The following KCNQ1 variants were observed in gnomAD, a reference collection of about 807,000 sequenced individuals.
KCNQ1 encodes the protein potassium voltage-gated channel subfamily Q member 1, also known as potassium voltage-gated channel subfamily KQT member 1.
In KCNQ1, 49 loss-of-function variants were observed where a neutral mutation model predicts 72.4. The observed-to-expected ratio is 0.68, with a 90% CI of 0.54 to 0.86. The LOEUF (loss-of-function observed/expected upper bound fraction) is 0.86, where lower values mean the gene tolerates loss of function less well. Ranked by LOEUF, KCNQ1 falls within the 40% of genes least tolerant of loss-of-function variation. The probability of loss-of-function intolerance (pLI) is 0.00; values close to 1 mark genes in which losing one functional copy is unlikely to be tolerated. For synonymous variants in KCNQ1, 450 were observed against 412.6 expected, an observed-to-expected ratio of 1.09 and a Z score of -1.10; for missense variants, 790 against 945.1, an observed-to-expected ratio of 0.84 and a Z score of 2.15.
intron 1 of KCNQ1, among the ~76,000 whole-genome samples, chr11:2,490,937 C>A (rs1589909709): frequency 6.6e-6 from 1 of 152,152 alleles, no homozygotes; most frequent in African/African-American, 2.4e-5. Context: ...AACTCCCGAC[C>A]TCAGGTGATC....
chr11:2,586,965 C>T lies in KCNQ1; in HGVS notation c.1129-605C>T, dbSNP rs145093561. On this transcript the variant is annotated intron_variant, in intron 8 of 15. Transcript: ENST00000155840. ...GATAGTGTCCCCTCCTCCCACCCTT[C>T]CCTTGTGGTGCTGCCATGGGGTCTC... Among the ~76,000 whole-genome samples, 576 of 152,168 alleles carry T rather than the reference C, an allele frequency of 3.8e-3. 3 individuals are homozygous for T. The highest frequency in any genetic ancestry group is 0.013 in the African/African-American group (521 of 41,536).
rs1396684153 is a variant in KCNQ1 at position 2,664,005 on chromosome 11, A to G, written c.1514+1924A>G. ...GCTCTCTGCCCACTTTGGGTCTGGC[A>G]CATTACCATTCTGCAAGATCCTGCA... On this transcript the variant is annotated intron_variant, in intron 11 of 15. Transcript: ENST00000155840. The surrounding 1 kb of genome is among the most constrained non-coding windows in gnomAD (Gnocchi z 5.1). 2.3e-5 allele frequency: 9 copies of G among 398,714 alleles called. No individual in the cohort carries two copies. The East Asian group carries it at 3.2e-4, about 14-fold the overall frequency. 24.7% of individuals were successfully genotyped at this position (398,714 alleles called of 1,614,324 possible). A position where few individuals can be genotyped will look rare whatever the true frequency, so the allele number is the denominator to read the frequency against.
rs1257396501 is a variant in KCNQ1, at chr11:2,611,107, G to C, written c.1393+22253G>C. On this transcript the variant is annotated intron_variant, in intron 10 of 15. Coordinates refer to ENST00000155840, the MANE Select transcript of KCNQ1 (RefSeq NM_000218.3). This position sits in a 1 kb window ranked among gnomAD's most constrained non-coding sequence, Gnocchi z 5.3. The stretch of plus-strand genomic sequence containing the variant: ...AAATTTTTATTTCTTTATGACTTCT[G>C]TTTATGATTTCTATTTCTTCCTGTT... The C allele has an allele frequency of 2.5e-6, 1 of 398,218 alleles. No individual in the cohort carries two copies. The highest frequency in any genetic ancestry group is 2.1e-5 in the African/African-American group (1 of 48,560). 24.7% of individuals were successfully genotyped at this position (398,218 alleles called of 1,614,324 possible).
intron 1 of KCNQ1, among the ~76,000 whole-genome samples, chr11:2,449,773 G>A (rs1041725136): frequency 6.6e-5 from 10 of 152,148 alleles, no homozygotes; most frequent in Non-Finnish European, 1.0e-4. Context: ...AAAGGCGTTG[G>A]GTGCCGAGAA....
chr11:2,685,437 G>A (rs774859505), intron 11 of KCNQ1: 6 of 398,592 alleles, frequency 1.5e-5, no homozygotes, highest in Non-Finnish European at 2.7e-5. Context: ...TCACCTGAAC[G>A]AGAAGCCCTT....
rs1846829737 is a variant in KCNQ1 at position 2,781,888 on chromosome 11, T to C, written c.1794+3851T>C. On this transcript the variant is annotated intron_variant, in intron 15 of 15. Transcript: ENST00000155840. The surrounding 1 kb of genome is among the most constrained non-coding windows in gnomAD (Gnocchi z 6.6). ...AGGGGCCCCCACCACCTGACACTCC[T>C]TTCACTGCCTCCGGTCGCAGAATCC... Among the ~76,000 whole-genome samples, 1 of 152,130 alleles carries C rather than the reference T, an allele frequency of 6.6e-6. No individual in the cohort carries two copies. Among genetic ancestry groups the C allele is most frequent in the African/African-American group, 2.4e-5 (1 of 41,416 alleles).
At chr11:2,662,328 T>C in intron 11 of KCNQ1, 3 of 577,460 alleles carry the variant, frequency 5.2e-6, no homozygotes, top group Non-Finnish European at 9.2e-6. Context: ...CTGATCATTT[T>C]CCACTTGTTT....
chr11:2,674,212 T>C lies in KCNQ1; in HGVS notation c.1514+12131T>C, dbSNP rs1590023402. The C allele has an allele frequency of 2.5e-6, 1 of 398,620 alleles. No individual in the cohort carries two copies. Among genetic ancestry groups the C allele is most frequent in the Non-Finnish European group, 4.4e-6 (1 of 226,106 alleles). 24.7% of individuals were successfully genotyped at this position (398,620 alleles called of 1,614,324 possible). A position where few individuals can be genotyped will look rare whatever the true frequency, so the allele number is the denominator to read the frequency against. On this transcript the variant is annotated intron_variant, in intron 11 of 15. Coordinates refer to ENST00000155840, the MANE Select transcript of KCNQ1 (RefSeq NM_000218.3). The surrounding 1 kb of genome is among the most constrained non-coding windows in gnomAD (Gnocchi z 5.9). ...GAGAGCACAGCCAGTTGTGGGTTTT[T>C]CTTGGGGCCCAGATAGATGTGAGCA...
At chr11:2,705,264 T>C (rs1311624763) in intron 11 of KCNQ1, among the ~76,000 whole-genome samples, 2 of 151,836 alleles carry the variant, frequency 1.3e-5, no homozygotes, top group Admixed American at 1.3e-4. Flanking sequence ...GGGTGGGGGG[T>C]CTGGAGTTCA....
At chr11:2,776,080 G>T (rs752235428) in intron 13 of KCNQ1, 26 bp downstream of exon 13, 25 of 1,534,672 alleles carry the variant, frequency 1.6e-5, no homozygotes, top group Non-Finnish European at 2.1e-5. Context: ...CGGCAGCGGG[G>T]AGGGTGCCCA....
intron 1 of KCNQ1, among the ~76,000 whole-genome samples, chr11:2,453,632 G>A (rs977825033): frequency 3.9e-5 from 6 of 152,202 alleles, no homozygotes; most frequent in Non-Finnish European, 5.9e-5. Context: ...CTGGCTGGCA[G>A]AAATCCTTTG....
In KCNQ1 at chr11:2,588,798, A is replaced by AC. The variant is rs397508087; in HGVS notation, c.1343dup (p.Glu449ArgfsTer14). On this transcript the variant is annotated frameshift_variant, in exon 10 of 16. Coordinates refer to ENST00000155840, the MANE Select transcript of KCNQ1 (RefSeq NM_000218.3). LOFTEE classifies it high-confidence loss of function. The surrounding 1 kb of genome is among the most constrained non-coding windows in gnomAD (Gnocchi z 5.6). ...CTCACAGTCCCCCATATCACGTGCG[A>AC]CCCCCCAGAAGAGCGGCGGCTGGAC... 10 of 1,612,714 alleles carry AC rather than the reference A, an allele frequency of 6.2e-6. No individual in the cohort carries two copies. Among genetic ancestry groups the AC allele is most frequent in the Middle Eastern group, 1.7e-4 (1 of 5,906 alleles).
chr11:2,652,150 C>T lies in KCNQ1; in HGVS notation c.1394-9811C>T, dbSNP rs562340107. ...AAGGGACCTGTGTTTCTCAAGCCCGCGCCCTCGGGGCCTGGGGGTGGGGCC... is the reference window on the plus strand; with the variant it reads ...AAGGGACCTGTGTTTCTCAAGCCCGTGCCCTCGGGGCCTGGGGGTGGGGCC... On this transcript the variant is annotated intron_variant, in intron 10 of 15. Transcript: ENST00000155840. The surrounding 1 kb of genome is among the most constrained non-coding windows in gnomAD (Gnocchi z 5.9). 4.0e-4 allele frequency: 158 copies of T among 398,624 alleles called. No individual in the cohort carries two copies. The highest frequency in any genetic ancestry group is 2.7e-3 in the African/African-American group (131 of 48,728). The allele number at this position is 398,624 out of a possible 1,614,324, so 24.7% of individuals were successfully genotyped here. A position where few individuals can be genotyped will look rare whatever the true frequency, so the allele number is the denominator to read the frequency against.
chr11:2,504,531 G>A (rs1847069635), intron 1 of KCNQ1, among the ~76,000 whole-genome samples: 1 of 152,188 alleles, frequency 6.6e-6, no homozygotes, highest in African/African-American at 2.4e-5. Flanking sequence ...CGAGTCATAT[G>A]ACTCACTTAA....
At chr11:2,839,789 G>C (rs1848163993) in intron 15 of KCNQ1, 1 of 152,228 alleles carries the variant, frequency 6.6e-6, no homozygotes, top group South Asian at 2.1e-4. Flanking sequence ...ACAGACAAGA[G>C]GGGAGGTTAT....
At chr11:2,836,070 G>A (rs960675907) in intron 15 of KCNQ1, among the ~76,000 whole-genome samples, 87 of 146,426 alleles carry the variant, frequency 5.9e-4, no homozygotes, top group African/African-American at 2.0e-3. Flanking sequence ...GTGCCCCGTG[G>A]CGTGGCGGGG....
chr11:2,717,770 G>A (rs1161529898), intron 11 of KCNQ1, among the ~76,000 whole-genome samples: 2 of 152,184 alleles, frequency 1.3e-5, no homozygotes, highest in African/African-American at 4.8e-5. Context: ...GATAGAGAGC[G>A]GGTAGACAGG....
rs1282958602 is a variant in KCNQ1 at position 2,458,629 on chromosome 11, TTGCCTGGATGGATGGATGGATGGATGGA to T, written c.386+13148_386+13175del. On this transcript the variant is annotated intron_variant, in intron 1 of 15. Coordinates refer to ENST00000155840, the MANE Select transcript of KCNQ1 (RefSeq NM_000218.3). This position sits in a 1 kb window ranked among gnomAD's most constrained non-coding sequence, Gnocchi z 4.6. ...AAGTGCTCCCATCCACAATGCTTCC[TTGCCTGGATGGATGGATGGATGGATGGA>T]TGGATGGATGGATGGATGGATGGAT... is the stretch of plus-strand genomic sequence containing the variant. Among the ~76,000 whole-genome samples, 1 of 137,650 alleles carries T rather than the reference TTGCCTGGATGGATGGATGGATGGATGGA, an allele frequency of 7.3e-6. No homozygotes were observed. The highest frequency in any genetic ancestry group is 1.6e-5 in the Non-Finnish European group (1 of 63,024). The allele number at this position is 137,650 out of a possible 152,430, so 90.3% of individuals were successfully genotyped here. A position where few individuals can be genotyped will look rare whatever the true frequency, so the allele number is the denominator to read the frequency against.
intron 10 of KCNQ1, chr11:2,641,623 A>G: frequency 2.5e-6 from 1 of 398,460 alleles, no homozygotes; most frequent in Non-Finnish European, 4.4e-6. Context: ...CTTGTTGTGT[A>G]CAAGCTTTAT....
Sources: gnomAD v4.1 joint callset for allele counts (sites outside exome capture counted in the v4.1 genomes callset) on GRCh38, gnomAD v4.1.1 for gene constraint, Gnocchi (gnomAD v3.1) non-coding constraint, MANE v1.5 for transcripts, NCBI Gene and HGNC (gene_info 2026-07-23, HGNC 2026-07-21) for gene names.